Variants in DIS3L2 observed in about 807,000 individuals in gnomAD.
The protein encoded by DIS3L2 is DIS3-like exonuclease 2.
In DIS3L2, 34 loss-of-function variants were observed where a neutral mutation model predicts 97.5. The ratio of observed to expected loss-of-function variants is 0.35; its 90% CI spans 0.27 to 0.46. The LOEUF is 0.46. Among genes scored for constraint, DIS3L2 ranks in the 20% least tolerant of loss-of-function variants. The probability of loss-of-function intolerance (pLI) is 1.00; values close to 1 mark genes in which losing one functional copy is unlikely to be tolerated. For missense variants in DIS3L2, 1,038 were observed against 1,146.0 expected (o/e 0.91, Z 1.36); for synonymous variants, 435 against 445.2 (o/e 0.98, Z 0.29).
intron 9 of DIS3L2, among the ~76,000 whole-genome samples, chr2:232,183,262 A>G (rs1340138037): frequency 6.6e-6 from 1 of 152,234 alleles, no homozygotes; most frequent in Non-Finnish European, 1.5e-5. Flanking sequence ...ATTTTGTTAT[A>G]GCAACTCAAA....
chr2:232,087,014 T>C (rs1696679574), intron 5 of DIS3L2, among the ~76,000 whole-genome samples: 1 of 152,160 alleles, frequency 6.6e-6, no homozygotes, highest in Non-Finnish European at 1.5e-5. Context: ...GAACATTTTA[T>C]AAACTCTTGT....
chr2:232,091,880 T>G (rs1347716045), intron 6 of DIS3L2, among the ~76,000 whole-genome samples: 1 of 152,236 alleles, frequency 6.6e-6, no homozygotes, highest in Non-Finnish European at 1.5e-5. Context: ...CAGTTTTGAC[T>G]TGCATTTCTC....
intron 1 of DIS3L2, among the ~76,000 whole-genome samples, chr2:231,985,727 C>T (rs1182035620): frequency 6.6e-6 from 1 of 152,232 alleles, no homozygotes; most frequent in Non-Finnish European, 1.5e-5. Context: ...AATTTGACTA[C>T]ATCCTTACTC....
chr2:232,266,277 G>A (rs1314954524), intron 13 of DIS3L2, among the ~76,000 whole-genome samples: 1 of 152,152 alleles, frequency 6.6e-6, no homozygotes, highest in African/African-American at 2.4e-5. Context: ...GCTGAAAATG[G>A]CTTTGGATAT....
intron 5 of DIS3L2, among the ~76,000 whole-genome samples, chr2:232,045,161 T>C (rs972018270): frequency 2.2e-4 from 33 of 152,130 alleles, no homozygotes; most frequent in Admixed American, 9.8e-4. Context: ...AAATGAAGTC[T>C]GAATGGAAAA....
chr2:232,327,842 G>A (rs1275430818), intron 14 of DIS3L2, among the ~76,000 whole-genome samples: 1 of 152,228 alleles, frequency 6.6e-6, no homozygotes, highest in East Asian at 1.9e-4. Context: ...GGCTTTCAAT[G>A]CATCAGGCAG....
Position 232,332,808 on chromosome 2 carries a change from G to A in DIS3L2, c.2011-1032G>A, listed in dbSNP as rs115751125. Among the ~76,000 whole-genome samples the A allele has an allele frequency of 2.8e-3, 425 of 152,310 alleles. 3 individuals are homozygous for A. Among genetic ancestry groups the A allele is most frequent in the African/African-American group, 9.7e-3 (402 of 41,564 alleles). On this transcript the variant is annotated intron_variant, in intron 16 of 20. Transcript: ENST00000325385. ...AGTATTGGCGAGCACAGAGGTGCCC[G>A]GGTGAAGCGTGGCTTCAGCTGGGCG...
At position 232,304,235 on chromosome 2, in the gene DIS3L2, G is replaced by A. The variant is rs115786710; in HGVS notation, c.1739+4116G>A. On this transcript the variant is annotated intron_variant, in intron 14 of 20. Coordinates refer to ENST00000325385, the MANE Select transcript of DIS3L2 (RefSeq NM_152383.5). ...AAATCCAGTTAATCAAGGAGTGATC[G>A]AGAGTCATTTTTGTCAAATTGAAGT... is the stretch of plus-strand genomic sequence containing the variant. 8.5e-3 allele frequency among the ~76,000 whole-genome samples: 1,289 copies of A among 152,004 alleles called. 17 individuals carry two copies. The highest frequency in any genetic ancestry group is 0.029 in the African/African-American group (1,204 of 41,446).
chr2:232,013,011 A>T (rs1031030942), intron 1 of DIS3L2, among the ~76,000 whole-genome samples: 1 of 152,098 alleles, frequency 6.6e-6, no homozygotes, highest in African/African-American at 2.4e-5. Flanking sequence ...AGAATTCATC[A>T]TCTTCTCTAA....
At chr2:232,102,657 A>G (rs1296788677) in intron 6 of DIS3L2, among the ~76,000 whole-genome samples, 8 of 152,218 alleles carry the variant, frequency 5.3e-5, no homozygotes, top group Non-Finnish European at 1.0e-4. Context: ...TGGTGAATCA[A>G]TAGGTGTTCA....
chr2:232,121,681 T>C (rs931603160), intron 6 of DIS3L2, among the ~76,000 whole-genome samples: 3 of 152,026 alleles, frequency 2.0e-5, no homozygotes, highest in African/African-American at 7.2e-5. Context: ...AGCTACAGAG[T>C]ACTGGCCCGC....
chr2:232,138,188 A>T (rs1410351682), intron 8 of DIS3L2, among the ~76,000 whole-genome samples: 1 of 151,892 alleles, frequency 6.6e-6, no homozygotes, highest in Non-Finnish European at 1.5e-5. Flanking sequence ...GGTATTTTTT[A>T]ATTTTTATTT....
At chr2:232,057,582 GA>G (rs1314180583) in intron 5 of DIS3L2, among the ~76,000 whole-genome samples, 2 of 152,056 alleles carry the variant, frequency 1.3e-5, no homozygotes, top group Non-Finnish European at 2.9e-5. Flanking sequence ...ATAGCTCCAA[GA>G]AAACAAATTT....
At chr2:231,997,603 A>C (rs1165119826) in intron 1 of DIS3L2, among the ~76,000 whole-genome samples, 1 of 152,256 alleles carries the variant, frequency 6.6e-6, no homozygotes, top group Non-Finnish European at 1.5e-5. Context: ...CTTTAGCATG[A>C]GAAAAAATGT....
intron 5 of DIS3L2, among the ~76,000 whole-genome samples, chr2:232,070,420 G>A (rs1034347054): frequency 6.6e-6 from 1 of 152,066 alleles, no homozygotes; most frequent in African/African-American, 2.4e-5. Flanking sequence ...AATGCTCTCT[G>A]TTTATTTCTG....
chr2:232,056,217 G>A lies in DIS3L2; in HGVS notation c.366+26137G>A, dbSNP rs577586002. On this transcript the variant is annotated intron_variant, in intron 5 of 20. Transcript: ENST00000325385. Reference sequence around the variant, plus strand: ...GAAACCCCGTTTCTACTAAAAATACGAAAATTAGCTGGGCCTGGTGGTGTG... The same window carrying A: ...GAAACCCCGTTTCTACTAAAAATACAAAAATTAGCTGGGCCTGGTGGTGTG... 4.6e-5 allele frequency among the ~76,000 whole-genome samples: 7 copies of A among 151,844 alleles called. No homozygotes were observed. In the South Asian group the frequency reaches 6.2e-4, roughly 14 times the overall value.
intron 1 of DIS3L2, among the ~76,000 whole-genome samples, chr2:231,977,155 T>C (rs908675279): frequency 6.6e-6 from 1 of 152,206 alleles, no homozygotes; most frequent in Non-Finnish European, 1.5e-5. Context: ...ATGGGGTCCT[T>C]GAAGTACAAT....
At chr2:232,159,248 T>A (rs1339298092) in intron 8 of DIS3L2, among the ~76,000 whole-genome samples, 1 of 152,226 alleles carries the variant, frequency 6.6e-6, no homozygotes, top group Admixed American at 6.5e-5. Flanking sequence ...CCATCATCTT[T>A]TATCAGGATT....
intron 5 of DIS3L2, among the ~76,000 whole-genome samples, chr2:232,038,674 A>G (rs989817247): frequency 6.6e-6 from 1 of 152,152 alleles, no homozygotes; most frequent in South Asian, 2.1e-4. Context: ...TGCTGTTAGA[A>G]GTGCTCTTGC....
Sources: allele counts gnomAD v4.1 joint callset (sites outside exome capture counted in the v4.1 genomes callset), GRCh38; gene constraint gnomAD v4.1.1; transcripts MANE v1.5; gene names NCBI Gene and HGNC (gene_info 2026-07-23, HGNC 2026-07-21).